Variants in ANK3 observed in about 807,000 individuals in gnomAD.
ANK3 encodes the protein ankyrin-3.
Under a neutral mutation model 370.9 loss-of-function variants are expected in ANK3, and 57 were observed. The ratio of observed to expected loss-of-function variants is 0.15; its 90% CI spans 0.12 to 0.19. The LOEUF (loss-of-function observed/expected upper bound fraction) is 0.19. ANK3 is among the 10% of genes least tolerant of loss of function. ANK3 has a pLI of 1.00. For synonymous variants in ANK3, 1,929 were observed against 1,946.3 expected, an observed-to-expected ratio of 0.99 and a Z score of 0.23; for missense variants, 4,439 against 5,302.1, an observed-to-expected ratio of 0.84 and a Z score of 5.06.
intron 2 of ANK3, among the ~76,000 whole-genome samples, chr10:60,458,652 G>C (rs2064810696): frequency 1.3e-5 from 2 of 152,136 alleles, no homozygotes; most frequent in South Asian, 4.1e-4. Flanking sequence ...TGGATGACTA[G>C]ATGAGAGAAA....
intron 1 of ANK3, among the ~76,000 whole-genome samples, chr10:60,379,754 G>C (rs371840459): frequency 6.6e-6 from 1 of 152,156 alleles, no homozygotes; most frequent in Middle Eastern, 3.4e-3. Context: ...TTTGTTAAAG[G>C]ATACAAAATT....
chr10:60,371,526 A>G (rs1487193116), intron 1 of ANK3, among the ~76,000 whole-genome samples: 1 of 152,184 alleles, frequency 6.6e-6, no homozygotes, highest in African/African-American at 2.4e-5. Context: ...ATTTGAACCA[A>G]AATGTTGAAA....
chr10:60,432,479 CAGA>C (rs1276467587), intron 2 of ANK3, among the ~76,000 whole-genome samples: 1 of 152,198 alleles, frequency 6.6e-6, no homozygotes. Flanking sequence ...ACACTGATAG[CAGA>C]AGATCTCCTA....
At chr10:60,415,923 A>ACCCCCC (rs60397919) in intron 2 of ANK3, among the ~76,000 whole-genome samples, 14 of 62,650 alleles carry the variant, frequency 2.2e-4, no homozygotes, top group South Asian at 6.8e-4. Flanking sequence ...TGTGCCCCCC[A>ACCCCCC]CCCCCCCGCC....
At chr10:60,601,616 A>AT (rs2078065674) in intron 2 of ANK3, among the ~76,000 whole-genome samples, 1 of 152,154 alleles carries the variant, frequency 6.6e-6, no homozygotes, top group African/African-American at 2.4e-5. Flanking sequence ...AAGAGGTTAT[A>AT]GGAGACCTGG....
intron 2 of ANK3, among the ~76,000 whole-genome samples, chr10:60,486,124 A>G (rs2075341260): frequency 6.6e-6 from 1 of 152,240 alleles, no homozygotes; most frequent in East Asian, 1.9e-4. Flanking sequence ...TAGAAGCAGT[A>G]TTTCTGAACA....
intron 1 of ANK3, among the ~76,000 whole-genome samples, chr10:60,639,769 A>C (rs2078604684): frequency 1.3e-5 from 2 of 152,052 alleles, no homozygotes; most frequent in South Asian, 4.1e-4. Context: ...CCTTAAAAAT[A>C]GTCATTTCTA....
chr10:60,422,606 A>G (rs1005080639), intron 2 of ANK3, among the ~76,000 whole-genome samples: 3 of 152,130 alleles, frequency 2.0e-5, no homozygotes, highest in South Asian at 2.1e-4. Flanking sequence ...AGCTTCAGCA[A>G]TCATTTACTT....
At chr10:60,409,436 T>C (rs1007280489) in intron 2 of ANK3, among the ~76,000 whole-genome samples, 32 of 152,230 alleles carry the variant, frequency 2.1e-4, no homozygotes, top group Admixed American at 1.2e-3. Context: ...TAAAAAACAA[T>C]GAATTCTTTT....
intron 2 of ANK3, among the ~76,000 whole-genome samples, chr10:60,573,435 T>C (rs1443224885): frequency 2.0e-5 from 3 of 152,150 alleles, no homozygotes; most frequent in Non-Finnish European, 4.4e-5. Context: ...AAAGCTGCTG[T>C]CTCTGTGGCA....
chr10:60,591,550 T>C lies in ANK3; in HGVS notation c.96+23636A>G, dbSNP rs778028405. On this transcript the variant is annotated intron_variant, in intron 2 of 43. Coordinates refer to the ANK3 transcript ENST00000373827. The stretch of plus-strand genomic sequence containing the variant: ...AAAAACTAAAAATTGAACTACCATA[T>C]GATCCAGCAATCCCATTGTTGGGTA... Among the ~76,000 whole-genome samples, 4 of 152,218 alleles carry C rather than the reference T, an allele frequency of 2.6e-5. No individual in the cohort carries two copies. The South Asian group carries it at 8.3e-4, about 32-fold the overall frequency.
At chr10:60,267,878 C>A (rs997199911) in intron 5 of ANK3, among the ~76,000 whole-genome samples, 1 of 152,224 alleles carries the variant, frequency 6.6e-6, no homozygotes, top group African/African-American at 2.4e-5. Context: ...TTTCTCTTAA[C>A]CAACAGTCTC....
chr10:60,348,018 T>G (rs557902133), intron 1 of ANK3, among the ~76,000 whole-genome samples: 1 of 152,072 alleles, frequency 6.6e-6, no homozygotes, highest in Non-Finnish European at 1.5e-5. Context: ...ACCACCACCA[T>G]GCTTTGCTTT....
chr10:60,041,646 G>A (rs1297421903), intron 43 of ANK3, among the ~76,000 whole-genome samples: 1 of 152,180 alleles, frequency 6.6e-6, no homozygotes, highest in East Asian at 1.9e-4. Flanking sequence ...GCAGTTCTGA[G>A]TGGTCTTCTC....
chr10:60,730,470 C>G (rs1472432078), intron 1 of ANK3, among the ~76,000 whole-genome samples: 3 of 152,140 alleles, frequency 2.0e-5, no homozygotes, highest in Non-Finnish European at 4.4e-5. Flanking sequence ...ATAGAACTTT[C>G]AAATTATAAC....
chr10:60,487,885 T>C (rs1409578135), intron 2 of ANK3, among the ~76,000 whole-genome samples: 3 of 152,080 alleles, frequency 2.0e-5, no homozygotes, highest in African/African-American at 7.2e-5. Context: ...TGGCTAATTT[T>C]GTATTTTTAG....
At chr10:60,171,311 T>G (rs892898635) in intron 21 of ANK3, among the ~76,000 whole-genome samples, 6 of 152,248 alleles carry the variant, frequency 3.9e-5, no homozygotes. Context: ...GCTTGTTTTT[T>G]AGTTTCTAAA....
intron 18 of ANK3, among the ~76,000 whole-genome samples, chr10:60,173,438 T>C (rs2095846504): frequency 6.6e-6 from 1 of 152,186 alleles, no homozygotes. Flanking sequence ...ATCTTGTTCT[T>C]AGAACTTTTC....
chr10:60,732,211 T>C (rs948334609), intron 1 of ANK3, among the ~76,000 whole-genome samples: 1 of 152,122 alleles, frequency 6.6e-6, no homozygotes, highest in African/African-American at 2.4e-5. Context: ...CTAAAAGGTA[T>C]GTGAAAGGTA....
Sources: gnomAD v4.1 joint callset for allele counts (sites outside exome capture counted in the v4.1 genomes callset) on GRCh38, gnomAD v4.1.1 for gene constraint, MANE v1.5 for transcripts, NCBI Gene and HGNC (gene_info 2026-07-23, HGNC 2026-07-21) for gene names.